Variants in PLCB1 observed in about 807,000 individuals in gnomAD.
PLCB1 encodes 1-phosphatidylinositol 4,5-bisphosphate phosphodiesterase beta-1.
In PLCB1, 46 loss-of-function variants were observed where a neutral mutation model predicts 161.8. The ratio of observed to expected loss-of-function variants is 0.28; its 90% CI spans 0.22 to 0.36. The LOEUF (loss-of-function observed/expected upper bound fraction) is 0.36, where lower values mean the gene tolerates loss of function less well. Ranked by LOEUF, PLCB1 falls within the 10% of genes least tolerant of loss-of-function variation. PLCB1 has a pLI of 1.00. For synonymous variants in PLCB1, 517 were observed against 503.7 expected, an observed-to-expected ratio of 1.03 and a Z score of -0.35; for missense variants, 1,016 against 1,472.5, an observed-to-expected ratio of 0.69 and a Z score of 5.07.
At chr20:8,631,887 C>G (rs567410202) in intron 4 of PLCB1, among the ~76,000 whole-genome samples, 11 of 152,192 alleles carry the variant, frequency 7.2e-5, no homozygotes, top group Non-Finnish European at 1.3e-4. Context: ...ATAAGGGAGA[C>G]AAATCATGCC....
At chr20:8,668,940 C>T (rs1374013984) in intron 9 of PLCB1, among the ~76,000 whole-genome samples, 1 of 152,198 alleles carries the variant, frequency 6.6e-6, no homozygotes, top group Admixed American at 6.5e-5. Context: ...GCTTATTGAA[C>T]GCATTTCTTT....
chr20:8,566,130 A>G (rs1986326175), intron 3 of PLCB1, among the ~76,000 whole-genome samples: 1 of 152,174 alleles, frequency 6.6e-6, no homozygotes, highest in Non-Finnish European at 1.5e-5. Flanking sequence ...AATTAGTTCT[A>G]AGACCCCAAA....
chr20:8,208,722 A>G (rs983536073), intron 2 of PLCB1, among the ~76,000 whole-genome samples: 1 of 151,880 alleles, frequency 6.6e-6, no homozygotes, highest in African/African-American at 2.4e-5. Context: ...ACATAAGAAA[A>G]TGGGCAAGTC....
intron 3 of PLCB1, among the ~76,000 whole-genome samples, chr20:8,467,385 G>A (rs1335042919): frequency 6.6e-6 from 1 of 151,984 alleles, no homozygotes; most frequent in African/African-American, 2.4e-5. Flanking sequence ...TTAATCAAAG[G>A]GCTCCATGGA....
Position 8,697,732 on chromosome 20 carries a change from G to T in PLCB1, c.1116G>T (p.Glu372Asp), listed in dbSNP as rs1301125420. ...GCTGGAAGGGACGGACTGCAGAAGAGGAACCTGTCATCACCCATGGCTTCA... is the reference window on the plus strand; with the variant it reads ...GCTGGAAGGGACGGACTGCAGAAGATGAACCTGTCATCACCCATGGCTTCA... Reference protein sequence around the residue: ...LDCWKGRTAEEEPVITHGFTM... With the variant: ...LDCWKGRTAEDEPVITHGFTM... Residue 372 changes from glutamate (E) to aspartate (D), a missense_variant, in exon 11 of 32, where the codon GAG becomes GAT. Physicochemically the swap from Glu to Asp is conservative, Grantham distance 45. Coordinates refer to ENST00000338037, the MANE Select transcript of PLCB1 (RefSeq NM_015192.4). 6.2e-7 allele frequency: 1 copy of T among 1,614,050 alleles called. No homozygotes were observed. The highest frequency in any genetic ancestry group is 1.3e-5 in the African/African-American group (1 of 74,910).
chr20:8,416,280 G>C (rs1041546993), intron 3 of PLCB1, among the ~76,000 whole-genome samples: 2 of 152,154 alleles, frequency 1.3e-5, no homozygotes, highest in African/African-American at 2.4e-5. Flanking sequence ...TATCTGAAGC[G>C]TGATGTAAAA....
chr20:8,325,372 T>C (rs1985109418), intron 2 of PLCB1, among the ~76,000 whole-genome samples: 1 of 152,194 alleles, frequency 6.6e-6, no homozygotes, highest in African/African-American at 2.4e-5. Flanking sequence ...GTTTTAGTTA[T>C]GTTTCACTGG....
At chr20:8,373,766 TA>T (rs1986981742) in intron 3 of PLCB1, among the ~76,000 whole-genome samples, 1 of 152,224 alleles carries the variant, frequency 6.6e-6, no homozygotes, top group South Asian at 2.1e-4. Flanking sequence ...TTCACTCACT[TA>T]ATTTGGAAAT....
At chr20:8,569,131 G>A (rs777286454) in intron 3 of PLCB1, among the ~76,000 whole-genome samples, 3 of 152,102 alleles carry the variant, frequency 2.0e-5, no homozygotes, top group Non-Finnish European at 4.4e-5. Flanking sequence ...CCCATACTTG[G>A]GCCTACTGGA....
At chr20:8,188,469 C>G (rs956273917) in intron 2 of PLCB1, among the ~76,000 whole-genome samples, 1 of 152,102 alleles carries the variant, frequency 6.6e-6, no homozygotes, top group Admixed American at 6.6e-5. Flanking sequence ...GTGCAAATGC[C>G]TTTCCTGCTT....
intron 3 of PLCB1, among the ~76,000 whole-genome samples, chr20:8,523,769 G>T (rs995824409): frequency 7.3e-5 from 11 of 151,556 alleles, no homozygotes; most frequent in Admixed American, 1.3e-4. Context: ...AGATCATTGC[G>T]CATTGGGAGG....
At chr20:8,494,541 A>C (rs1211698383) in intron 3 of PLCB1, among the ~76,000 whole-genome samples, 1 of 152,218 alleles carries the variant, frequency 6.6e-6, no homozygotes. Context: ...AACAAAAGCT[A>C]ACTGCCACAG....
At chr20:8,528,889 T>C (rs532775026) in intron 3 of PLCB1, among the ~76,000 whole-genome samples, 46 of 151,950 alleles carry the variant, frequency 3.0e-4, no homozygotes, top group Admixed American at 2.4e-3. Context: ...TATATAATGC[T>C]AAAAGAGCAT....
In PLCB1 at chr20:8,697,645, C is replaced by T. The variant is rs2123427977; in HGVS notation, c.1029C>T (p.Asn343=). 6.2e-7 allele frequency: 1 copy of T among 1,614,102 alleles called. No individual in the cohort carries two copies. The highest frequency in any genetic ancestry group is 8.5e-7 in the Non-Finnish European group (1 of 1,179,984). Residue 343 remains asparagine (N), a synonymous_variant, in exon 11 of 32, where the codon AAC becomes AAT. Coordinates refer to ENST00000338037, the MANE Select transcript of PLCB1 (RefSeq NM_015192.4). ...TTATAGCTGGCCAACTGGCTGGAAA[C>T]TCCTCTGTTGAGATGTATCGCCAAG... is the stretch of plus-strand genomic sequence containing the variant. ...TYLTAGQLAG[N]SSVEMYRQVL...
At chr20:8,418,389 G>C (rs1979391990) in intron 3 of PLCB1, among the ~76,000 whole-genome samples, 1 of 152,026 alleles carries the variant, frequency 6.6e-6, no homozygotes, top group South Asian at 2.1e-4. Flanking sequence ...TCACTCACTG[G>C]GCGATGTGTT....
At chr20:8,809,175 T>A (rs1173479987) in intron 31 of PLCB1, among the ~76,000 whole-genome samples, 2 of 152,054 alleles carry the variant, frequency 1.3e-5, no homozygotes, top group Admixed American at 6.6e-5. Context: ...GATTTTTTTT[T>A]ATTTTTAGTT....
chr20:8,830,138 A>G (rs576009257), intron 31 of PLCB1, among the ~76,000 whole-genome samples: 1 of 152,288 alleles, frequency 6.6e-6, no homozygotes, highest in Admixed American at 6.5e-5. Context: ...AATATAAGAG[A>G]TGTGTGAGTA....
intron 4 of PLCB1, among the ~76,000 whole-genome samples, chr20:8,635,623 TAC>T (rs1213565015): frequency 6.6e-6 from 1 of 152,204 alleles, no homozygotes; most frequent in Non-Finnish European, 1.5e-5. Flanking sequence ...ACCCAGCAGT[TAC>T]TCCACGCTTT....
chr20:8,337,388 T>G (rs1401688226), intron 2 of PLCB1, among the ~76,000 whole-genome samples: 1 of 152,224 alleles, frequency 6.6e-6, no homozygotes, highest in Non-Finnish European at 1.5e-5. Flanking sequence ...ATTAGGATGA[T>G]GCAAAATAAG....
Sources: gnomAD v4.1 joint callset for allele counts (sites outside exome capture counted in the v4.1 genomes callset) on GRCh38, gnomAD v4.1.1 for gene constraint, MANE v1.5 for transcripts, NCBI Gene and HGNC (gene_info 2026-07-23, HGNC 2026-07-21) for gene names.